The following XKR6 variants were observed in gnomAD, a reference collection of about 807,000 sequenced individuals.
XKR6 encodes the protein XK-related protein 6.
A neutral mutation model predicts 56.7 loss-of-function variants in XKR6; 22 were observed. The ratio of observed to expected loss-of-function variants is 0.39; its 90% confidence interval spans 0.28 to 0.55. The LOEUF is 0.55. XKR6 is among the 20% of genes least tolerant of loss of function. The pLI, the probability that XKR6 is intolerant of heterozygous loss-of-function variation, is 0.66. For synonymous variants in XKR6, 524 were observed against 387.8 expected (o/e 1.35, Z -4.13); for missense variants, 852 against 889.0 (o/e 0.96, Z 0.53).
At chr8:10,945,323 A>G (rs1395315268) in intron 1 of XKR6, among the ~76,000 whole-genome samples, 2 of 152,176 alleles carry the variant, frequency 1.3e-5, no homozygotes, top group Non-Finnish European at 2.9e-5. Flanking sequence ...GTCTCTACTA[A>G]AACTACAAAA....
chr8:11,175,713 C>G (rs1038686847), intron 1 of XKR6: 3 of 152,186 alleles, frequency 2.0e-5, no homozygotes, highest in African/African-American at 7.2e-5. Context: ...TTACTTCATT[C>G]TGAAGGCAGT....
rs918181631 is a variant in XKR6, at chr8:10,912,546, G to C, written c.961+12088C>G. 4.1e-5 allele frequency among the ~76,000 whole-genome samples: 6 copies of C among 144,588 alleles called. No homozygotes were observed. In the East Asian group the frequency reaches 1.0e-3, roughly 24 times the overall value. The allele number at this position is 144,588 out of a possible 152,430, so 94.9% of individuals were successfully genotyped here. A position where few individuals can be genotyped will look rare whatever the true frequency, so the allele number is the denominator to read the frequency against. ...GAGAGTGAGTATATATAGAGAAAGA[G>C]AGAGGGTGTGTGTGTATGTATATAT... On this transcript the variant is annotated intron_variant, in intron 2 of 2. Coordinates refer to ENST00000416569, the MANE Select transcript of XKR6 (RefSeq NM_173683.4).
At chr8:11,053,977 T>C (rs1799618744) in intron 1 of XKR6, among the ~76,000 whole-genome samples, 1 of 152,212 alleles carries the variant, frequency 6.6e-6, no homozygotes, top group African/African-American at 2.4e-5. Flanking sequence ...GCTGAACCAA[T>C]GGGCTACAAA....
At chr8:11,125,204 C>G (rs761304399) in intron 1 of XKR6, among the ~76,000 whole-genome samples, 18 of 152,018 alleles carry the variant, frequency 1.2e-4, no homozygotes, top group Non-Finnish European at 2.4e-4. Context: ...ATGACTCTGG[C>G]CCTGCTCACC....
intron 1 of XKR6, among the ~76,000 whole-genome samples, chr8:11,088,112 A>G (rs191788632): frequency 6.6e-6 from 1 of 152,370 alleles, no homozygotes; most frequent in African/African-American, 2.4e-5. Context: ...AAATGCTAAG[A>G]AAATTCTATT....
intron 1 of XKR6, among the ~76,000 whole-genome samples, chr8:11,084,839 C>T (rs980289749): frequency 2.0e-5 from 3 of 152,154 alleles, no homozygotes; most frequent in South Asian, 2.1e-4. Context: ...TACTCACACT[C>T]GATGGGAAAG....
intron 1 of XKR6, among the ~76,000 whole-genome samples, chr8:10,990,691 C>T (rs1797970335): frequency 6.6e-6 from 1 of 152,074 alleles, no homozygotes; most frequent in Non-Finnish European, 1.5e-5. Flanking sequence ...GCGATCCTCC[C>T]ACCTAAGCCT....
intron 1 of XKR6, among the ~76,000 whole-genome samples, chr8:11,178,587 T>A (rs1290477840): frequency 7.0e-6 from 1 of 142,326 alleles, no homozygotes; most frequent in Non-Finnish European, 1.5e-5. Flanking sequence ...TATATATATG[T>A]ACTACACACA....
intron 1 of XKR6, among the ~76,000 whole-genome samples, chr8:10,971,203 C>T (rs970769282): frequency 2.6e-5 from 4 of 151,800 alleles, no homozygotes; most frequent in South Asian, 4.2e-4. Context: ...GGGCGGATCA[C>T]GAGGTCAGGA....
chr8:10,925,514 G>T (rs1245626820), intron 1 of XKR6, among the ~76,000 whole-genome samples: 1 of 152,174 alleles, frequency 6.6e-6, no homozygotes, highest in Non-Finnish European at 1.5e-5. Flanking sequence ...TCCCAGCAGG[G>T]CCCAGGACAC....
chr8:10,940,578 C>G (rs927028801), intron 1 of XKR6, among the ~76,000 whole-genome samples: 2 of 152,166 alleles, frequency 1.3e-5, no homozygotes, highest in African/African-American at 4.8e-5. Context: ...TTTGTCGGCA[C>G]CTGCAGACGG....
chr8:10,948,136 G>A (rs1422102453), intron 1 of XKR6, among the ~76,000 whole-genome samples: 3 of 152,144 alleles, frequency 2.0e-5, no homozygotes, highest in Non-Finnish European at 2.9e-5. Context: ...CTGGTTCCTC[G>A]CAACAACCCT....
At chr8:11,190,249 AGAAAAGAAAGGAAAG>A (rs1803502094) in intron 1 of XKR6, among the ~76,000 whole-genome samples, 2 of 151,674 alleles carry the variant, frequency 1.3e-5, no homozygotes, top group South Asian at 4.2e-4. Flanking sequence ...AAAAAAGAAA[AGAAAAGAAAGGAAAG>A]GAAAAGAAAA....
chr8:11,122,536 C>T (rs908328097), intron 1 of XKR6, among the ~76,000 whole-genome samples: 19 of 152,166 alleles, frequency 1.2e-4, no homozygotes, highest in African/African-American at 4.1e-4. Flanking sequence ...CCAATGGGTG[C>T]GTAAGCAGTG....
intron 1 of XKR6, among the ~76,000 whole-genome samples, chr8:11,153,741 T>C (rs1801372422): frequency 6.6e-6 from 1 of 152,208 alleles, no homozygotes; most frequent in Non-Finnish European, 1.5e-5. Context: ...TCTCCATTCT[T>C]TGATCTGCTC....
chr8:10,997,641 G>A (rs933750922), intron 1 of XKR6, among the ~76,000 whole-genome samples: 4 of 152,226 alleles, frequency 2.6e-5, no homozygotes, highest in African/African-American at 7.2e-5. Flanking sequence ...GCCTCTGCAG[G>A]AGGCGTGTGG....
intron 1 of XKR6, among the ~76,000 whole-genome samples, chr8:11,012,698 G>A (rs1438161668): frequency 6.8e-6 from 1 of 147,902 alleles, no homozygotes; most frequent in African/African-American, 2.5e-5. Context: ...CTTTTTTCTG[G>A]GCTAATCTTG....
intron 1 of XKR6, among the ~76,000 whole-genome samples, chr8:11,190,117 A>C (rs1350092634): frequency 1.3e-5 from 2 of 151,846 alleles, no homozygotes; most frequent in Admixed American, 6.6e-5. Context: ...AGATCGCGCC[A>C]CCGCACTCCA....
chr8:11,075,440 T>C (rs2129168274), intron 1 of XKR6, among the ~76,000 whole-genome samples: 1 of 152,296 alleles, frequency 6.6e-6, no homozygotes, highest in Admixed American at 6.5e-5. Flanking sequence ...TGGCAAAAGC[T>C]GACTCTTCCC....
Sources: allele counts gnomAD v4.1 joint callset (sites outside exome capture counted in the v4.1 genomes callset), GRCh38; gene constraint gnomAD v4.1.1; transcripts MANE v1.5; gene names NCBI Gene and HGNC (gene_info 2026-07-23, HGNC 2026-07-21).